The following CD226 variants were observed in gnomAD, a reference collection of about 807,000 sequenced individuals.
CD226 encodes the protein CD226 molecule.
CD226 carries 24 observed loss-of-function variants against 34.9 expected under a neutral mutation model. The observed-to-expected ratio is 0.69, with a 90% CI of 0.50 to 0.97. CD226 has a LOEUF of 0.97. Among genes scored for constraint, CD226 ranks in the 50% least tolerant of loss-of-function variants. The pLI is 0.00. For synonymous variants in CD226, 148 were observed against 147.4 expected (o/e 1.00, Z -0.03); for missense variants, 397 against 412.7 (o/e 0.96, Z 0.33).
In CD226 at chr18:69,857,998, A is replaced by T. The variant is rs536139858; in HGVS notation, c.*6316T>A. 5.9e-5 allele frequency: 9 copies of T among 152,238 alleles called. No individual in the cohort carries two copies. Among genetic ancestry groups the T allele is most frequent in the Non-Finnish European group, 1.0e-4 (7 of 68,034 alleles). The allele number at this position is 152,238 out of a possible 1,614,324, so 9.4% of individuals were successfully genotyped here. On this transcript the variant is annotated 3_prime_UTR_variant, in exon 6 of 6. Transcript: ENST00000582621. The stretch of plus-strand genomic sequence containing the variant: ...TCTAGACATAAGTTGCAGGTTTAAA[A>T]ATCAATAGATTTGAATAAAGTTAAA...
chr18:69,928,112 C>T (rs1467029212), intron 2 of CD226, among the ~76,000 whole-genome samples: 1 of 152,206 alleles, frequency 6.6e-6, no homozygotes, highest in Non-Finnish European at 1.5e-5. Flanking sequence ...ACACTTCAAA[C>T]CATGTTTCAC....
intron 1 of CD226, among the ~76,000 whole-genome samples, chr18:69,953,948 T>C (rs1231425273): frequency 6.7e-6 from 1 of 150,134 alleles, no homozygotes; most frequent in Admixed American, 6.7e-5. Flanking sequence ...TGCAGTGAGC[T>C]GAGATTGTGC....
intron 3 of CD226, among the ~76,000 whole-genome samples, chr18:69,882,598 G>A (rs1177299915): frequency 6.6e-6 from 1 of 152,128 alleles, no homozygotes; most frequent in Non-Finnish European, 1.5e-5. Flanking sequence ...AAATATTTCT[G>A]AGTCTTATAC....
chr18:69,862,794 G>A lies in CD226; in HGVS notation c.*1520C>T, dbSNP rs565978434. On this transcript the variant is annotated 3_prime_UTR_variant, in exon 6 of 6. Transcript: ENST00000582621. ...TCTGTCTAGGCAACAGGAGAATTTGGATTTGCTTTATTTAAGATTATCATG... is the reference window on the plus strand; with the variant it reads ...TCTGTCTAGGCAACAGGAGAATTTGAATTTGCTTTATTTAAGATTATCATG... 3 of 152,250 alleles carry A rather than the reference G, an allele frequency of 2.0e-5. No individual in the cohort carries two copies. The highest frequency in any genetic ancestry group is 3.9e-4 in the East Asian group (2 of 5,190). 9.4% of individuals were successfully genotyped at this position (152,250 alleles called of 1,614,324 possible).
At chr18:69,870,496 A>G (rs1983454640) in intron 4 of CD226, among the ~76,000 whole-genome samples, 1 of 151,626 alleles carries the variant, frequency 6.6e-6, no homozygotes, top group African/African-American at 2.4e-5. Context: ...GCTGGTCTCG[A>G]ACTCCTGACC....
chr18:69,942,388 T>TA (rs1309251487), intron 2 of CD226, among the ~76,000 whole-genome samples: 2 of 152,218 alleles, frequency 1.3e-5, no homozygotes, highest in Non-Finnish European at 2.9e-5. Context: ...CTTACTCTCC[T>TA]AAAAGACTGC....
chr18:69,938,571 C>T (rs12970649), intron 2 of CD226, among the ~76,000 whole-genome samples: 130,592 of 152,256 alleles, frequency 0.86, 57,989 homozygotes, highest in East Asian at 1. Flanking sequence ...ACACCTGAAA[C>T]AGACTTAATT....
intron 2 of CD226, among the ~76,000 whole-genome samples, chr18:69,912,896 C>T (rs1219338568): frequency 6.6e-6 from 1 of 151,430 alleles, no homozygotes; most frequent in Non-Finnish European, 1.5e-5. Context: ...TCTCTCTCTC[C>T]TCAGCTTTAG....
At chr18:69,877,321 T>C (rs1007287833) in intron 3 of CD226, among the ~76,000 whole-genome samples, 1 of 152,138 alleles carries the variant, frequency 6.6e-6, no homozygotes, top group African/African-American at 2.4e-5. Flanking sequence ...GATGAAGAGA[T>C]TGGTAGGGTG....
intron 2 of CD226, 55 bp downstream of exon 2, chr18:69,946,679 T>C (rs2055796311): frequency 3.4e-6 from 4 of 1,182,036 alleles, no homozygotes; most frequent in Non-Finnish European, 3.6e-6. Flanking sequence ...TTTATAGAAA[T>C]AAATGTTGTA....
rs1982567661 is a variant in CD226 at position 69,854,865 on chromosome 18, G to A, written c.*9449C>T. ...GGCTCCAGTATAGTAACAGTGAATT[G>A]CAGAGGAAAGAGCTGAAAGACAGAA... On this transcript the variant is annotated 3_prime_UTR_variant, in exon 6 of 6. Coordinates refer to ENST00000582621, the MANE Select transcript of CD226 (RefSeq NM_001303618.2). 1 of 152,288 alleles carries A rather than the reference G, an allele frequency of 6.6e-6. No homozygotes were observed. The highest frequency in any genetic ancestry group is 1.5e-5 in the Non-Finnish European group (1 of 68,100). The allele number at this position is 152,288 out of a possible 1,614,324, so 9.4% of individuals were successfully genotyped here. A position where few individuals can be genotyped will look rare whatever the true frequency, so the allele number is the denominator to read the frequency against.
chr18:69,889,272 G>T (rs758831260), intron 3 of CD226, among the ~76,000 whole-genome samples: 1 of 151,924 alleles, frequency 6.6e-6, no homozygotes, highest in African/African-American at 2.4e-5. Context: ...GATTCTGGTC[G>T]TGTTGCTCCA....
At chr18:69,911,928 C>T (rs1344852338) in intron 2 of CD226, among the ~76,000 whole-genome samples, 1 of 152,130 alleles carries the variant, frequency 6.6e-6, no homozygotes, top group East Asian at 1.9e-4. Flanking sequence ...AATCATATTT[C>T]TTGGCTGTGG....
At chr18:69,908,793 C>T (rs2055287724) in intron 2 of CD226, among the ~76,000 whole-genome samples, 1 of 152,222 alleles carries the variant, frequency 6.6e-6, no homozygotes, top group African/African-American at 2.4e-5. Context: ...CCATTCTCAT[C>T]TCCTACTAGA....
intron 5 of CD226, among the ~76,000 whole-genome samples, chr18:69,866,235 TCAACATATGA>T (rs1189013661): frequency 1.3e-5 from 2 of 152,238 alleles, no homozygotes; most frequent in Non-Finnish European, 2.9e-5. Context: ...CATTAGGATT[TCAACATATGA>T]ATGTTGGGAA....
chr18:69,931,249 G>A (rs1434142237), intron 2 of CD226, among the ~76,000 whole-genome samples: 2 of 152,014 alleles, frequency 1.3e-5, no homozygotes, highest in Non-Finnish European at 2.9e-5. Flanking sequence ...GGGAGAGGGG[G>A]GAGGGATAGC....
At position 69,858,686 on chromosome 18, in the gene CD226, TCTATGAGCCACCCCTATGTTCAAATA is replaced by T. The variant is rs1407311363; in HGVS notation, c.*5602_*5627del. On this transcript the variant is annotated 3_prime_UTR_variant, in exon 6 of 6. Transcript: ENST00000582621. Reference sequence around the variant, plus strand: ...CTACTCCATCGGGTGTCCTGGGAATTCTATGAGCCACCCCTATGTTCAAATACTTAACTTTTTTTTTTTTTTTTTTT... The same window carrying T: ...CTACTCCATCGGGTGTCCTGGGAATTCTTAACTTTTTTTTTTTTTTTTTTT... 6.7e-6 allele frequency: 1 copy of T among 150,354 alleles called. No individual in the cohort carries two copies. The highest frequency in any genetic ancestry group is 1.5e-5 in the Non-Finnish European group (1 of 67,678). The allele number at this position is 150,354 out of a possible 1,614,324, so 9.3% of individuals were successfully genotyped here.
At chr18:69,923,317 C>T (rs1005982285) in intron 2 of CD226, among the ~76,000 whole-genome samples, 3 of 152,114 alleles carry the variant, frequency 2.0e-5, no homozygotes, top group Non-Finnish European at 4.4e-5. Context: ...AGGCAAGTGT[C>T]GTGTTGCAGG....
chr18:69,918,597 G>A (rs2055414087), intron 2 of CD226, among the ~76,000 whole-genome samples: 1 of 152,148 alleles, frequency 6.6e-6, no homozygotes. Context: ...TAAGGATAGA[G>A]TGGATAATAC....
Sources: gnomAD v4.1 joint callset for allele counts (sites outside exome capture counted in the v4.1 genomes callset) on GRCh38, gnomAD v4.1.1 for gene constraint, MANE v1.5 for transcripts, NCBI Gene and HGNC (gene_info 2026-07-23, HGNC 2026-07-21) for gene names.